LSAMP: variants seen among roughly 807,000 people sequenced by gnomAD.
The protein encoded by LSAMP is limbic system-associated membrane protein.
LSAMP carries 7 observed loss-of-function variants against 38.6 expected under a neutral mutation model. The observed-to-expected ratio is 0.18, with a 90% confidence interval of 0.10 to 0.34. The LOEUF is 0.34. LSAMP is among the 10% of genes least tolerant of loss of function. The pLI is 1.00. For missense variants in LSAMP, 313 were observed against 420.0 expected (o/e 0.75, Z 2.23); for synonymous variants, 154 against 166.8 (o/e 0.92, Z 0.59).
chr3:116,258,009 G>A (rs1372717038), intron 1 of LSAMP, among the ~76,000 whole-genome samples: 2 of 151,986 alleles, frequency 1.3e-5, no homozygotes, highest in African/African-American at 2.4e-5. Flanking sequence ...TAATAACCAG[G>A]CAATTATCAG....
chr3:115,840,253 C>T (rs7632322), intron 6 of LSAMP, among the ~76,000 whole-genome samples: 8,326 of 152,162 alleles, frequency 0.055, 274 homozygotes, highest in African/African-American at 0.085. Flanking sequence ...CTCTATACAA[C>T]CTTCTTTTTA....
intron 3 of LSAMP, among the ~76,000 whole-genome samples, chr3:115,938,402 C>T (rs1937783636): frequency 6.6e-6 from 1 of 152,084 alleles, no homozygotes; most frequent in Non-Finnish European, 1.5e-5. Context: ...TTTAGTTTCC[C>T]CATTACATTC....
At chr3:115,841,490 T>C (rs1192908218) in intron 6 of LSAMP, 1 of 169,788 alleles carries the variant, frequency 5.9e-6, no homozygotes, top group Non-Finnish European at 1.3e-5. Context: ...AAAAACACTG[T>C]TATCCATTTC....
chr3:116,241,550 A>G (rs1223146648), intron 1 of LSAMP, among the ~76,000 whole-genome samples: 3 of 152,180 alleles, frequency 2.0e-5, no homozygotes, highest in Non-Finnish European at 4.4e-5. Context: ...TGGGCAACAG[A>G]GTGAGATTCT....
At chr3:116,423,467 A>T (rs1258084231) in intron 1 of LSAMP, among the ~76,000 whole-genome samples, 1 of 152,224 alleles carries the variant, frequency 6.6e-6, no homozygotes, top group Non-Finnish European at 1.5e-5. Flanking sequence ...GCAATGTTAA[A>T]GATGTTTGCA....
In LSAMP at chr3:116,181,692, A is replaced by G. The variant is rs7646707; in HGVS notation, c.156-95136T>C. Among the ~76,000 whole-genome samples, 1,262 of 152,086 alleles carry G rather than the reference A, an allele frequency of 8.3e-3. 19 individuals carry two copies. Among genetic ancestry groups the G allele is most frequent in the African/African-American group, 0.028 (1,182 of 41,524 alleles). ...AAGCACTTTCAGACAAATTATTGTT[A>G]TTATTCATCACAATATCCTAAGATA... On this transcript the variant is annotated intron_variant, in intron 1 of 6. Transcript: ENST00000490035.
At chr3:115,946,427 T>C (rs1938098864) in intron 3 of LSAMP, among the ~76,000 whole-genome samples, 1 of 152,114 alleles carries the variant, frequency 6.6e-6, no homozygotes, top group South Asian at 2.1e-4. Context: ...AGATGTCAAT[T>C]TCCAAGATGT....
Position 116,126,345 on chromosome 3 carries a change from A to C in LSAMP, c.156-39789T>G, listed in dbSNP as rs199663639. ...ATAGGCCAGAAGACAAGACCCTCTC[A>C]AGGGTGCTATAAATGGGCCATGCCC... On this transcript the variant is annotated intron_variant, in intron 1 of 6. Coordinates refer to ENST00000490035, the MANE Select transcript of LSAMP (RefSeq NM_002338.5). 3.3e-5 allele frequency among the ~76,000 whole-genome samples: 5 copies of C among 152,318 alleles called. No individual in the cohort carries two copies. The East Asian group carries it at 9.6e-4, about 29-fold the overall frequency.
intron 3 of LSAMP, among the ~76,000 whole-genome samples, chr3:115,954,073 GT>G (rs1178441051): frequency 1.3e-5 from 2 of 152,068 alleles, no homozygotes; most frequent in African/African-American, 4.8e-5. Context: ...TTGTTTATTT[GT>G]TTTTTAACTG....
At chr3:116,143,282 CCA>C (rs1226215255) in intron 1 of LSAMP, among the ~76,000 whole-genome samples, 1 of 151,628 alleles carries the variant, frequency 6.6e-6, no homozygotes, top group Admixed American at 6.6e-5. Flanking sequence ...CTAAAAATAT[CCA>C]TTTTATCTGT....
chr3:115,930,497 A>G (rs78781583), intron 3 of LSAMP, among the ~76,000 whole-genome samples: 4,958 of 152,280 alleles, frequency 0.033, 271 homozygotes, highest in African/African-American at 0.11. Flanking sequence ...CCTACTCAGT[A>G]TATTCCTAGG....
chr3:115,845,726 TG>T (rs1935138274), intron 4 of LSAMP, among the ~76,000 whole-genome samples: 1 of 152,182 alleles, frequency 6.6e-6, no homozygotes, highest in African/African-American at 2.4e-5. Flanking sequence ...TCTCTAAAAA[TG>T]GGAACATTTA....
intron 1 of LSAMP, among the ~76,000 whole-genome samples, chr3:116,330,101 A>G (rs899215658): frequency 2.0e-5 from 3 of 152,132 alleles, no homozygotes; most frequent in African/African-American, 7.2e-5. Context: ...GGATTCTGGG[A>G]AGATGGCACA....
At chr3:116,423,067 A>T (rs576929107) in intron 1 of LSAMP, among the ~76,000 whole-genome samples, 9 of 152,326 alleles carry the variant, frequency 5.9e-5, no homozygotes, top group Admixed American at 3.3e-4. Context: ...CCTGGCACAA[A>T]GACATGGTTA....
intron 1 of LSAMP, among the ~76,000 whole-genome samples, chr3:116,132,937 T>C (rs186733286): frequency 1.3e-5 from 2 of 152,146 alleles, no homozygotes; most frequent in African/African-American, 4.8e-5. Flanking sequence ...ACCTCTTCCG[T>C]GTTGTTATAA....
intron 3 of LSAMP, among the ~76,000 whole-genome samples, chr3:115,893,685 A>C (rs1464077427): frequency 6.6e-6 from 1 of 151,966 alleles, no homozygotes; most frequent in East Asian, 1.9e-4. Context: ...GTTCAAACGA[A>C]AAAATCAGGA....
At chr3:115,896,902 T>C (rs1936742928) in intron 3 of LSAMP, among the ~76,000 whole-genome samples, 1 of 152,114 alleles carries the variant, frequency 6.6e-6, no homozygotes, top group African/African-American at 2.4e-5. Context: ...AGTTCCAATG[T>C]GCCCATGCAT....
At position 116,019,507 on chromosome 3, in the gene LSAMP, T is replaced by C; in HGVS notation, c.514+8A>G. 6.2e-7 allele frequency: 1 copy of C among 1,610,988 alleles called. No homozygotes were observed. Among genetic ancestry groups the C allele is most frequent in the Non-Finnish European group, 8.5e-7 (1 of 1,177,966 alleles). On this transcript the variant is annotated splice_region_variant and intron_variant, in intron 3 of 6. Transcript: ENST00000490035. ...ATGTGGCATATTGGAACCTGGAGTA[T>C]TGCTTACCAGTTGGTGTAAGGTGTC...
At chr3:116,277,205 G>C (rs2047066523) in intron 1 of LSAMP, among the ~76,000 whole-genome samples, 1 of 152,208 alleles carries the variant, frequency 6.6e-6, no homozygotes, top group Non-Finnish European at 1.5e-5. Context: ...CATGTGGTCA[G>C]CATGGGCTGA....
Sources: allele counts gnomAD v4.1 joint callset (sites outside exome capture counted in the v4.1 genomes callset), GRCh38; gene constraint gnomAD v4.1.1; transcripts MANE v1.5; gene names NCBI Gene and HGNC (gene_info 2026-07-23, HGNC 2026-07-21).